The following CENPW variants were observed in gnomAD, a reference collection of about 807,000 sequenced individuals.
The protein encoded by CENPW is centromere protein W.
Under a neutral mutation model 11.1 loss-of-function variants are expected in CENPW, and 3 were observed. The ratio of observed to expected loss-of-function variants is 0.27; its 90% CI spans 0.12 to 0.70. The LOEUF is 0.70. Among genes scored for constraint, CENPW ranks in the 30% least tolerant of loss-of-function variants. The pLI is 0.77. For synonymous variants in CENPW, 38 were observed against 42.0 expected (o/e 0.91, Z 0.37); for missense variants, 100 against 105.6 (o/e 0.95, Z 0.23).
chr6:126,402,685 A>G, the CENPW span, among the ~76,000 whole-genome samples: 1 of 152,050 alleles, frequency 6.6e-6, no homozygotes, highest in Admixed American at 6.6e-5. Context: ...GGATATATCA[A>G]CACTTCATTC....
the CENPW span, among the ~76,000 whole-genome samples, chr6:126,419,645 G>A: frequency 1.3e-5 from 2 of 150,098 alleles, no homozygotes; most frequent in South Asian, 4.4e-4. Context: ...CCAGAAGTCC[G>A]AAATTGGTTT....
the CENPW span, among the ~76,000 whole-genome samples, chr6:126,426,970 A>G: frequency 2.0e-5 from 3 of 152,190 alleles, no homozygotes; most frequent in Admixed American, 6.5e-5. Flanking sequence ...TAATCCTTAT[A>G]TAATTTGTCA....
chr6:126,462,534 A>T, the CENPW span, among the ~76,000 whole-genome samples: 62 of 142,892 alleles, frequency 4.3e-4, no homozygotes, highest in East Asian at 1.5e-3. Context: ...TCTCTCTCTC[A>T]CACACACACA....
At chr6:126,410,661 T>TG in the CENPW span, among the ~76,000 whole-genome samples, 4 of 151,918 alleles carry the variant, frequency 2.6e-5, no homozygotes, top group South Asian at 8.3e-4. Context: ...AAGGATGTCC[T>TG]GTAAGTCTTG....
chr6:126,407,580 A>C, the CENPW span, among the ~76,000 whole-genome samples: 3 of 152,140 alleles, frequency 2.0e-5, no homozygotes, highest in Non-Finnish European at 2.9e-5. Context: ...TTTTCTCCGC[A>C]ACCTTGCCAG....
At chr6:126,461,437 G>C in the CENPW span, among the ~76,000 whole-genome samples, 2 of 151,878 alleles carry the variant, frequency 1.3e-5, no homozygotes, top group African/African-American at 4.8e-5. Context: ...TAGCCTTGGA[G>C]TCTTACTGAA....
the CENPW span, among the ~76,000 whole-genome samples, chr6:126,430,637 C>T: frequency 1.3e-5 from 2 of 151,982 alleles, no homozygotes; most frequent in Non-Finnish European, 1.5e-5. Context: ...TAGGAAAGGT[C>T]GGTTGTTATC....
At chr6:126,354,973 T>C in the CENPW span, among the ~76,000 whole-genome samples, 2 of 152,094 alleles carry the variant, frequency 1.3e-5, no homozygotes, top group Non-Finnish European at 1.5e-5. Context: ...CCAAACTACC[T>C]AGAAATAAAA....
At chr6:126,454,810 G>A in the CENPW span, among the ~76,000 whole-genome samples, 1 of 150,556 alleles carries the variant, frequency 6.6e-6, no homozygotes, top group Admixed American at 6.6e-5. Context: ...AAATAAATAA[G>A]ATTGATAGAC....
intron 1 of CENPW, among the ~76,000 whole-genome samples, chr6:126,344,234 A>T (rs1043901097): frequency 4.6e-5 from 7 of 152,340 alleles, no homozygotes; most frequent in Admixed American, 4.6e-4. Flanking sequence ...ATGCAGTGAT[A>T]GAAAGTTCAG....
chr6:126,349,477 G>A (rs1201388232), downstream of CENPW, among the ~76,000 whole-genome samples: 1 of 152,046 alleles, frequency 6.6e-6, no homozygotes. Context: ...CCTAAACCCT[G>A]GCAACCATGA....
chr6:126,384,609 A>G, the CENPW span, among the ~76,000 whole-genome samples: 1 of 152,158 alleles, frequency 6.6e-6, no homozygotes, highest in Non-Finnish European at 1.5e-5. Context: ...TTGTTACACT[A>G]TACAAAAATC....
the CENPW span, among the ~76,000 whole-genome samples, chr6:126,359,919 C>T: frequency 6.6e-6 from 1 of 152,002 alleles, no homozygotes; most frequent in African/African-American, 2.4e-5. Flanking sequence ...GAATGTTTAG[C>T]CCATTTACAT....
downstream of CENPW, among the ~76,000 whole-genome samples, chr6:126,349,497 C>T (rs1227911482): frequency 1.3e-5 from 2 of 152,118 alleles, no homozygotes; most frequent in East Asian, 1.9e-4. Flanking sequence ...AACTATTCTC[C>T]GTCTAAAGTC....
the CENPW span, among the ~76,000 whole-genome samples, chr6:126,357,810 T>C: frequency 1.3e-5 from 2 of 152,078 alleles, no homozygotes; most frequent in Middle Eastern, 3.2e-3. Context: ...GGTTTCACCA[T>C]ATCGGCCAGG....
the CENPW span, among the ~76,000 whole-genome samples, chr6:126,446,355 T>G: frequency 7.1e-6 from 1 of 140,518 alleles, no homozygotes. Flanking sequence ...ACCCCCTCCC[T>G]GGCCCCCCCA....
chr6:126,459,919 C>G, the CENPW span, among the ~76,000 whole-genome samples: 2 of 145,282 alleles, frequency 1.4e-5, no homozygotes, highest in Non-Finnish European at 3.1e-5. Flanking sequence ...TTTTTTCTTC[C>G]TTTTTTTTTT....
At chr6:126,469,530 A>T in the CENPW span, among the ~76,000 whole-genome samples, 2 of 152,222 alleles carry the variant, frequency 1.3e-5, no homozygotes, top group African/African-American at 4.8e-5. Context: ...CTATAAAGGT[A>T]GCCTGAAAAT....
At chr6:126,418,003 C>T in the CENPW span, among the ~76,000 whole-genome samples, 1 of 152,126 alleles carries the variant, frequency 6.6e-6, no homozygotes, top group Non-Finnish European at 1.5e-5. Flanking sequence ...GAAAAATGTT[C>T]AACATTGTTA....
Sources: gnomAD v4.1 joint callset for allele counts (sites outside exome capture counted in the v4.1 genomes callset) on GRCh38, gnomAD v4.1.1 for gene constraint, MANE v1.5 for transcripts, NCBI Gene and HGNC (gene_info 2026-07-23, HGNC 2026-07-21) for gene names.